Variants in N4BP2 observed in about 807,000 individuals in gnomAD.
N4BP2 encodes NEDD4-binding protein 2.
In N4BP2, 91 loss-of-function variants were observed where a neutral mutation model predicts 152.8. That is an observed-to-expected ratio of 0.60 (90% confidence interval 0.50 to 0.71). N4BP2 has a LOEUF of 0.71. Ranked by LOEUF, N4BP2 falls within the 30% of genes least tolerant of loss-of-function variation. N4BP2 has a pLI of 0.00. For synonymous variants in N4BP2, 646 were observed against 705.3 expected (o/e 0.92, Z 1.33); for missense variants, 1,923 against 2,059.1 (o/e 0.93, Z 1.28).
chr4:40,162,401 G>A (rs2109305470), downstream of N4BP2, among the ~76,000 whole-genome samples: 1 of 152,224 alleles, frequency 6.6e-6, no homozygotes, highest in Non-Finnish European at 1.5e-5. Flanking sequence ...AGAGGTTGCA[G>A]TGAGCCAAGA....
chr4:40,112,951 A>G (rs1579055892), intron 6 of N4BP2, among the ~76,000 whole-genome samples: 1 of 152,072 alleles, frequency 6.6e-6, no homozygotes, highest in South Asian at 2.1e-4. Flanking sequence ...TAATCCACCA[A>G]CCTCGGCCTC....
chr4:40,164,828 A>G, the N4BP2 span, among the ~76,000 whole-genome samples: 1 of 152,144 alleles, frequency 6.6e-6, no homozygotes, highest in African/African-American at 2.4e-5. Flanking sequence ...AGGCTTATAC[A>G]TTGCCCATTA....
At chr4:40,094,107 C>T (rs1056098015) in intron 2 of N4BP2, among the ~76,000 whole-genome samples, 13 of 152,190 alleles carry the variant, frequency 8.5e-5, no homozygotes, top group Admixed American at 3.9e-4. Flanking sequence ...AAAATTTTTT[C>T]GAGACTTCAT....
chr4:40,133,566 C>G (rs1341370912), intron 13 of N4BP2, among the ~76,000 whole-genome samples: 2 of 151,910 alleles, frequency 1.3e-5, no homozygotes, highest in African/African-American at 4.8e-5. Context: ...GAACTCCTGA[C>G]CTCAGCTGAT....
intron 7 of N4BP2, among the ~76,000 whole-genome samples, chr4:40,114,194 A>G (rs564027278): frequency 1.5e-3 from 224 of 152,148 alleles, no homozygotes; most frequent in African/African-American, 4.9e-3. Context: ...TGTGTTCTAT[A>G]CTTCCATAGA....
the N4BP2 span, among the ~76,000 whole-genome samples, chr4:40,183,855 TCAGG>T: frequency 6.6e-6 from 1 of 152,224 alleles, no homozygotes; most frequent in African/African-American, 2.4e-5. Flanking sequence ...TTGCTTGTCC[TCAGG>T]GCTGCTGCAA....
downstream of N4BP2, among the ~76,000 whole-genome samples, chr4:40,162,823 A>G (rs747848577): frequency 6.6e-6 from 1 of 152,184 alleles, no homozygotes; most frequent in Non-Finnish European, 1.5e-5. Flanking sequence ...GCCATCTGCA[A>G]GCAGGAGAAC....
Position 40,138,134 on chromosome 4 carries a change from TAATACAGAAATGGTG to T in N4BP2, c.4785+1053_4785+1067del, listed in dbSNP as rs1281848634. On this transcript the variant is annotated intron_variant, in intron 14 of 17. Transcript: ENST00000261435. ...GAATACAGAAAATAAAAGACATGGT[TAATACAGAAATGGTG>T]TCTTATTGTGGTTTTGATTTGCATT... 8.5e-5 allele frequency among the ~76,000 whole-genome samples: 13 copies of T among 152,342 alleles called. No individual in the cohort carries two copies. In the East Asian group the frequency reaches 2.3e-3, roughly 27 times the overall value.
At chr4:40,087,148 AG>A (rs1714053487) in intron 2 of N4BP2, among the ~76,000 whole-genome samples, 1 of 152,062 alleles carries the variant, frequency 6.6e-6, no homozygotes, top group Admixed American at 6.6e-5. Context: ...ATAGATATGG[AG>A]TCAAGTTATA....
At chr4:40,108,146 C>G (rs1349701586) in intron 5 of N4BP2, among the ~76,000 whole-genome samples, 1 of 151,096 alleles carries the variant, frequency 6.6e-6, no homozygotes. Flanking sequence ...CAGGGCCAGG[C>G]TTGTCTCAAA....
chr4:40,105,671 T>C (rs1301391511), intron 4 of N4BP2, among the ~76,000 whole-genome samples: 1 of 151,918 alleles, frequency 6.6e-6, no homozygotes, highest in Non-Finnish European at 1.5e-5. Context: ...TGCCTTGGCC[T>C]CCTGAGTAGC....
intron 4 of N4BP2, among the ~76,000 whole-genome samples, chr4:40,106,411 G>A (rs760190242): frequency 2.5e-4 from 38 of 151,952 alleles, no homozygotes; most frequent in South Asian, 8.3e-4. Flanking sequence ...AAACCCCCTG[G>A]GTTCAAGTGA....
chr4:40,167,839 C>T, the N4BP2 span: 10 of 152,138 alleles, frequency 6.6e-5, no homozygotes, highest in African/African-American at 2.2e-4. Context: ...AAATGAGACT[C>T]ATCTAACTAG....
chr4:40,183,616 G>A, the N4BP2 span, among the ~76,000 whole-genome samples: 3 of 152,328 alleles, frequency 2.0e-5, no homozygotes, highest in South Asian at 2.1e-4. Context: ...GATTACAGGC[G>A]TGAGCCACTG....
At chr4:40,131,432 G>A (rs1718892263) in intron 12 of N4BP2, among the ~76,000 whole-genome samples, 1 of 151,910 alleles carries the variant, frequency 6.6e-6, no homozygotes, top group African/African-American at 2.4e-5. Context: ...TTTTTATCCT[G>A]TTTATGTGTG....
In N4BP2 at chr4:40,154,215, G is replaced by A. The variant is rs1721419164; in HGVS notation, c.5291G>A (p.Cys1764Tyr). Residue 1764 changes from cysteine to tyrosine, a missense_variant, in exon 18 of 18, where the codon TGC (cysteine) becomes TAC (tyrosine). Cys to Tyr is a radical substitution (Grantham distance 194). Transcript: ENST00000261435. Reference protein sequence around the residue: ...SFRFSEIKPGCLKVMLK With the variant: ...SFRFSEIKPGYLKVMLK ...AGGTTCTCTGAAATTAAACCAGGGT[G>A]CTTGAAAGTCATGCTAAAGTAAAAT... The A allele has an allele frequency of 6.2e-7, 1 of 1,601,242 alleles. No homozygotes were observed. Among genetic ancestry groups the A allele is most frequent in the Non-Finnish European group, 8.5e-7 (1 of 1,174,794 alleles).
In N4BP2 at chr4:40,092,942, C is replaced by T. The variant is rs1380080926; in HGVS notation, c.-114-4285C>T. On this transcript the variant is annotated intron_variant, in intron 2 of 17. Coordinates refer to ENST00000261435, the MANE Select transcript of N4BP2 (RefSeq NM_018177.6). The stretch of plus-strand genomic sequence containing the variant: ...TACAGGCATGAGCCACCGTGCCCGG[C>T]CTGCTCTTTTTTTTTTTAAAGATGG... 5.3e-5 allele frequency among the ~76,000 whole-genome samples: 8 copies of T among 150,072 alleles called. No individual in the cohort carries two copies. In the South Asian group the frequency reaches 1.5e-3, roughly 28 times the overall value.
chr4:40,096,774 T>C (rs1317553583), intron 2 of N4BP2, among the ~76,000 whole-genome samples: 3 of 152,078 alleles, frequency 2.0e-5, no homozygotes, highest in Non-Finnish European at 4.4e-5. Flanking sequence ...GGATGTGGGA[T>C]GAGAGGAGTC....
At chr4:40,188,669 TG>T in the N4BP2 span, among the ~76,000 whole-genome samples, 570 of 135,842 alleles carry the variant, frequency 4.2e-3, 3 homozygotes, top group South Asian at 0.026. Context: ...CACCTGAGCC[TG>T]GGAGGCGCAG....
Sources: allele counts gnomAD v4.1 joint callset (sites outside exome capture counted in the v4.1 genomes callset), GRCh38; gene constraint gnomAD v4.1.1; transcripts MANE v1.5; gene names NCBI Gene and HGNC (gene_info 2026-07-23, HGNC 2026-07-21).